Variants in RARB observed in about 807,000 individuals in gnomAD.
RARB encodes retinoic acid receptor beta, also known as HBV-activated protein.
In RARB, 17 loss-of-function variants were observed where a neutral mutation model predicts 51.9. The ratio of observed to expected loss-of-function variants is 0.33; its 90% CI spans 0.22 to 0.49. The LOEUF (loss-of-function observed/expected upper bound fraction) is 0.49, where lower values mean the gene tolerates loss of function less well. Ranked by LOEUF, RARB falls within the 20% of genes least tolerant of loss-of-function variation. RARB has a pLI of 0.99. For synonymous variants in RARB, 215 were observed against 195.4 expected (o/e 1.10, Z -0.84); for missense variants, 369 against 550.8 (o/e 0.67, Z 3.30).
chr3:24,887,561 A>G (rs908777783), intron 2 of RARB, among the ~76,000 whole-genome samples: 3 of 152,238 alleles, frequency 2.0e-5, no homozygotes, highest in Non-Finnish European at 2.9e-5. Context: ...ACTAAGAGAC[A>G]TAGCAGCAAT....
intron 2 of RARB, among the ~76,000 whole-genome samples, chr3:25,471,328 G>A (rs1349500498): frequency 6.6e-6 from 1 of 152,158 alleles, no homozygotes; most frequent in African/African-American, 2.4e-5. Context: ...AGAGTACTGA[G>A]GGCTGTTAGT....
chr3:25,226,928 C>A (rs564630050), intron 5 of RARB, among the ~76,000 whole-genome samples: 4 of 152,264 alleles, frequency 2.6e-5, no homozygotes, highest in African/African-American at 9.6e-5. Flanking sequence ...TGTAAGAGAC[C>A]AATTATATGA....
intron 2 of RARB, among the ~76,000 whole-genome samples, chr3:25,023,280 A>G (rs192505857): frequency 6.6e-6 from 1 of 152,358 alleles, no homozygotes; most frequent in African/African-American, 2.4e-5. Flanking sequence ...TATAGCCACA[A>G]TCTTAACTTC....
intron 2 of RARB, among the ~76,000 whole-genome samples, chr3:24,957,854 A>G (rs1696050957): frequency 6.6e-6 from 1 of 152,316 alleles, no homozygotes; most frequent in African/African-American, 2.4e-5. Context: ...GTATAATCAC[A>G]GCAGTTCTTA....
upstream of RARB, among the ~76,000 whole-genome samples, chr3:25,427,108 A>G (rs183380451): frequency 4.6e-5 from 7 of 152,318 alleles, no homozygotes; most frequent in African/African-American, 1.4e-4. Flanking sequence ...AGAGGCAACC[A>G]ACATGGCTAT....
intron 5 of RARB, among the ~76,000 whole-genome samples, chr3:25,376,052 A>T (rs1271383943): frequency 6.6e-6 from 1 of 152,222 alleles, no homozygotes; most frequent in African/African-American, 2.4e-5. Flanking sequence ...TGCCTGGCCC[A>T]TAGGGAGTAC....
intron 5 of RARB, among the ~76,000 whole-genome samples, chr3:25,202,624 G>A (rs1394797686): frequency 6.6e-6 from 1 of 152,040 alleles, no homozygotes; most frequent in Non-Finnish European, 1.5e-5. Context: ...CAGAGATTCT[G>A]GTATGTTGTG....
At chr3:25,534,505 C>T (rs1270064306) in intron 3 of RARB, among the ~76,000 whole-genome samples, 1 of 152,064 alleles carries the variant, frequency 6.6e-6, no homozygotes, top group Non-Finnish European at 1.5e-5. Flanking sequence ...GTCATGTGTG[C>T]TTCTCCCGCT....
At chr3:25,183,453 A>G (rs778871343) in intron 5 of RARB, among the ~76,000 whole-genome samples, 1 of 152,032 alleles carries the variant, frequency 6.6e-6, no homozygotes, top group Non-Finnish European at 1.5e-5. Flanking sequence ...GTTCTCTTTA[A>G]TATTCATTTT....
At chr3:24,878,355 A>C (rs1197678958) in intron 2 of RARB, among the ~76,000 whole-genome samples, 1 of 149,164 alleles carries the variant, frequency 6.7e-6, no homozygotes, top group Non-Finnish European at 1.5e-5. Flanking sequence ...CTTGTTTCCA[A>C]GTTGTGATTT....
At chr3:24,835,762 C>T (rs1261296176) in intron 1 of RARB, among the ~76,000 whole-genome samples, 1 of 152,106 alleles carries the variant, frequency 6.6e-6, no homozygotes, top group Non-Finnish European at 1.5e-5. Flanking sequence ...TGTCGAGATG[C>T]CCAGAAGCCA....
intron 5 of RARB, among the ~76,000 whole-genome samples, chr3:25,254,882 G>A (rs1184486751): frequency 1.3e-5 from 2 of 152,094 alleles, no homozygotes; most frequent in Non-Finnish European, 2.9e-5. Flanking sequence ...TCTTGTGTTT[G>A]GATTGAGAAT....
At chr3:24,894,764 A>G (rs1703446571) in intron 2 of RARB, among the ~76,000 whole-genome samples, 1 of 152,218 alleles carries the variant, frequency 6.6e-6, no homozygotes. Context: ...AGTAACCATA[A>G]TATATCAATT....
chr3:24,974,904 G>A (rs574774521), intron 2 of RARB, among the ~76,000 whole-genome samples: 1 of 152,246 alleles, frequency 6.6e-6, no homozygotes, highest in South Asian at 2.1e-4. Context: ...TTTTTGCAAT[G>A]ATGGAAATGT....
At chr3:25,328,637 G>A (rs963625963) in intron 5 of RARB, among the ~76,000 whole-genome samples, 8 of 152,184 alleles carry the variant, frequency 5.3e-5, no homozygotes, top group Admixed American at 2.0e-4. Flanking sequence ...CAATTTTTGC[G>A]TTTCCAACTG....
intron 5 of RARB, among the ~76,000 whole-genome samples, chr3:25,206,955 A>C (rs1164014212): frequency 6.6e-6 from 1 of 152,216 alleles, no homozygotes; most frequent in Admixed American, 6.5e-5. Context: ...AGTGAATTTT[A>C]TGAAAGTGGG....
chr3:25,581,985 G>A (rs1701196086), intron 5 of RARB, among the ~76,000 whole-genome samples: 1 of 152,152 alleles, frequency 6.6e-6, no homozygotes. Flanking sequence ...CACAGATGGG[G>A]GTGGTGCAAG....
chr3:25,536,983 C>A (rs867575615), intron 3 of RARB, among the ~76,000 whole-genome samples: 8 of 152,138 alleles, frequency 5.3e-5, no homozygotes, highest in African/African-American at 1.9e-4. Flanking sequence ...GACGAAATTC[C>A]CAGAATCATG....
rs1441089758 is a variant in RARB at position 25,597,471 on chromosome 3, T to C, written c.*855T>C. 1 of 152,574 alleles carries C rather than the reference T, an allele frequency of 6.6e-6. No individual in the cohort carries two copies. The highest frequency in any genetic ancestry group is 6.5e-5 in the Admixed American group (1 of 15,276). 9.5% of individuals were successfully genotyped at this position (152,574 alleles called of 1,614,324 possible). On this transcript the variant is annotated 3_prime_UTR_variant, in exon 8 of 8. Coordinates refer to ENST00000330688, the MANE Select transcript of RARB (RefSeq NM_000965.5). ...TCCAAGGCAGAAACACTTTTCAGTGTTAAGTTTTTGTTTACTTGTTCACAA... is the reference window on the plus strand; with the variant it reads ...TCCAAGGCAGAAACACTTTTCAGTGCTAAGTTTTTGTTTACTTGTTCACAA...
Sources: gnomAD v4.1 joint callset for allele counts (sites outside exome capture counted in the v4.1 genomes callset) on GRCh38, gnomAD v4.1.1 for gene constraint, MANE v1.5 for transcripts, NCBI Gene and HGNC (gene_info 2026-07-23, HGNC 2026-07-21) for gene names.